The following TMEM14A variants were observed in gnomAD, a reference collection of about 807,000 sequenced individuals.
TMEM14A encodes transmembrane protein 14A.
TMEM14A carries 8 observed loss-of-function variants against 11.6 expected under a neutral mutation model. The ratio of observed to expected loss-of-function variants is 0.69; its 90% confidence interval spans 0.40 to 1.24. TMEM14A has a LOEUF of 1.24. Ranked by LOEUF, TMEM14A falls within the 50% of genes most tolerant of loss-of-function variation. The pLI is 0.01. For missense variants in TMEM14A, 108 were observed against 121.9 expected, an observed-to-expected ratio of 0.89 and a Z score of 0.54; for synonymous variants, 34 against 45.5, an observed-to-expected ratio of 0.75 and a Z score of 1.02.
chr6:52,680,561 G>T (rs1769344381), intron 2 of TMEM14A, among the ~76,000 whole-genome samples: 1 of 130,084 alleles, frequency 7.7e-6, no homozygotes, highest in Non-Finnish European at 1.6e-5. Context: ...ATCTCCAACT[G>T]TAACATTCTA....
Position 52,677,112 on chromosome 6 carries a change from A to T in TMEM14A, c.10A>T (p.Ile4Phe). The change falls in exon 2 of 5, where the codon ATC (isoleucine) becomes TTC (phenylalanine). Residue 4 changes from isoleucine to phenylalanine, a missense_variant. Ile to Phe is a conservative substitution (Grantham distance 21). Transcript: ENST00000211314. MDLIGFGYAALVTF... is the reference protein window; with the variant it reads MDLFGFGYAALVTF... ...AATTGCAACCTTGCCAATGGACCTG[A>T]TCGGTTTTGGTTATGCAGCCCTCGT... is the stretch of plus-strand genomic sequence containing the variant. 6.2e-7 allele frequency: 1 copy of T among 1,614,030 alleles called. No individual in the cohort carries two copies. Among genetic ancestry groups the T allele is most frequent in the South Asian group, 1.1e-5 (1 of 91,072 alleles).
chr6:52,680,101 G>A lies in TMEM14A; in HGVS notation c.71-1712G>A, dbSNP rs148483720. The stretch of plus-strand genomic sequence containing the variant: ...CAAGTGCTCCTATGTACCTGGCCCT[G>A]TGTCTCGCCCTGGGGAAACAGCAAT... On this transcript the variant is annotated intron_variant, in intron 2 of 4. Coordinates refer to ENST00000211314, the MANE Select transcript of TMEM14A (RefSeq NM_014051.4). 3.8e-3 allele frequency among the ~76,000 whole-genome samples: 573 copies of A among 152,044 alleles called. 3 individuals carry two copies. The highest frequency in any genetic ancestry group is 3.4e-3 in the Non-Finnish European group (228 of 67,976).
intron 1 of TMEM14A, among the ~76,000 whole-genome samples, chr6:52,674,508 C>G (rs1769218540): frequency 6.6e-6 from 1 of 152,144 alleles, no homozygotes; most frequent in South Asian, 2.1e-4. Context: ...ATAATCATGA[C>G]AGTACATACC....
intron 1 of TMEM14A, among the ~76,000 whole-genome samples, chr6:52,676,292 A>G (rs983413043): frequency 6.6e-6 from 1 of 152,156 alleles, no homozygotes; most frequent in Non-Finnish European, 1.5e-5. Flanking sequence ...TCACTCTGTC[A>G]TCCAGGCTGG....
At chr6:52,682,353 A>T (rs2281485) in intron 3 of TMEM14A, among the ~76,000 whole-genome samples, 90,915 of 152,012 alleles carry the variant, frequency 0.6, 27,943 homozygotes, top group East Asian at 0.78. Context: ...TTTTTTAGCT[A>T]CTTCCCTTGT....
chr6:52,683,980 G>C, intron 3 of TMEM14A, 98 bp from the exon 4 acceptor site: 1 of 1,115,964 alleles, frequency 9.0e-7, no homozygotes, highest in Middle Eastern at 2.1e-4. Context: ...ATCCATAATA[G>C]TTGTAATGTT....
chr6:52,671,365 A>G (rs1323998203), intron 1 of TMEM14A, 120 bp downstream of exon 1: 4 of 152,196 alleles, frequency 2.6e-5, no homozygotes, highest in Non-Finnish European at 1.5e-5. Flanking sequence ...TGTACAGCAA[A>G]CGATGATGCA....
chr6:52,672,480 T>C (rs1380809716), intron 1 of TMEM14A, among the ~76,000 whole-genome samples: 2 of 150,414 alleles, frequency 1.3e-5, no homozygotes, highest in South Asian at 2.1e-4. Flanking sequence ...CCGGACTGTG[T>C]GTTGGGCGTC....
rs1561876264 is a variant in TMEM14A, at chr6:52,684,170, G to A, written c.260+5G>A. On this transcript the variant is annotated splice_donor_5th_base_variant and intron_variant, in intron 4 of 4. Coordinates refer to ENST00000211314, the MANE Select transcript of TMEM14A (RefSeq NM_014051.4). ...TGGTTTGGTTGCAGGTTTAAGGTAA[G>A]TAAAACTATTTTGATCAATACTTTC... 6.2e-7 allele frequency: 1 copy of A among 1,612,312 alleles called. No individual in the cohort carries two copies.
At chr6:52,679,631 C>A (rs959206016) in intron 2 of TMEM14A, among the ~76,000 whole-genome samples, 2 of 152,186 alleles carry the variant, frequency 1.3e-5, no homozygotes, top group South Asian at 2.1e-4. Context: ...TTGTAGCCCC[C>A]ACTATGGGTC....
intron 2 of TMEM14A, among the ~76,000 whole-genome samples, chr6:52,680,660 T>TAC (rs1769357743): frequency 2.1e-5 from 1 of 46,708 alleles, no homozygotes; most frequent in Non-Finnish European, 4.7e-5. Flanking sequence ...TGTGTGTGTA[T>TAC]ATATATGTGT....
At chr6:52,685,792 G>GA (rs1769482152) in intron 4 of TMEM14A, among the ~76,000 whole-genome samples, 1 of 152,058 alleles carries the variant, frequency 6.6e-6, no homozygotes, top group Non-Finnish European at 1.5e-5. Context: ...AAGGTTTTCA[G>GA]AACAACAGGT....
intron 4 of TMEM14A, among the ~76,000 whole-genome samples, 194 bp from the exon 5 acceptor site, chr6:52,685,816 T>C (rs1769482870): frequency 6.6e-6 from 1 of 152,216 alleles, no homozygotes. Context: ...GATTTTTCCT[T>C]ATTCATTTAG....
chr6:52,674,822 C>T (rs926325316), intron 1 of TMEM14A, among the ~76,000 whole-genome samples: 9 of 152,026 alleles, frequency 5.9e-5, no homozygotes, highest in African/African-American at 1.9e-4. Context: ...CTCAGCTTCC[C>T]TCCCCCATAC....
chr6:52,677,652 A>G (rs1431889554), intron 2 of TMEM14A, among the ~76,000 whole-genome samples: 4 of 152,184 alleles, frequency 2.6e-5, no homozygotes, highest in Admixed American at 6.5e-5. Flanking sequence ...GTTTTCATGG[A>G]GAAAAAGGAA....
chr6:52,674,325 A>G (rs1335072940), intron 1 of TMEM14A, among the ~76,000 whole-genome samples: 1 of 152,210 alleles, frequency 6.6e-6, no homozygotes, highest in Admixed American at 6.5e-5. Flanking sequence ...TCTGAAGAAC[A>G]TGTTTGGTTT....
At chr6:52,676,814 AGG>A (rs935153247) in intron 1 of TMEM14A, among the ~76,000 whole-genome samples, 1 of 152,128 alleles carries the variant, frequency 6.6e-6, no homozygotes, top group Non-Finnish European at 1.5e-5. Flanking sequence ...GAGCACGTGA[AGG>A]GGGAAGTGCT....
rs769785723 is a variant in TMEM14A, at chr6:52,674,081, T to C, written c.-17+2836T>C. ...AGGTAGATATTTTTGTTATCCCTAT[T>C]TTAAAGATGGAGAAACTGAGTTATT... is the stretch of plus-strand genomic sequence containing the variant. On this transcript the variant is annotated intron_variant, in intron 1 of 4. Coordinates refer to ENST00000211314, the MANE Select transcript of TMEM14A (RefSeq NM_014051.4). Among the ~76,000 whole-genome samples the C allele has an allele frequency of 8.7e-4, 133 of 152,234 alleles. 1 individual carries two copies. Among genetic ancestry groups the C allele is most frequent in the Non-Finnish European group, 4.6e-4 (31 of 68,044 alleles).
Position 52,684,187 on chromosome 6 carries a change from A to G in TMEM14A, c.260+22A>G, listed in dbSNP as rs377545968. The G allele has an allele frequency of 3.7e-4, 596 of 1,600,086 alleles. 3 individuals carry two copies. Among genetic ancestry groups the G allele is most frequent in the Non-Finnish European group, 6.5e-5 (76 of 1,173,514 alleles). On this transcript the variant is annotated intron_variant, in intron 4 of 4. Coordinates refer to ENST00000211314, the MANE Select transcript of TMEM14A (RefSeq NM_014051.4). Reference sequence around the variant, plus strand: ...TAAGGTAAGTAAAACTATTTTGATCAATACTTTCCTCTGCTGTTGTTTTGA... The same window carrying G: ...TAAGGTAAGTAAAACTATTTTGATCGATACTTTCCTCTGCTGTTGTTTTGA...
Sources: allele counts gnomAD v4.1 joint callset (sites outside exome capture counted in the v4.1 genomes callset), GRCh38; gene constraint gnomAD v4.1.1; transcripts MANE v1.5; gene names NCBI Gene and HGNC (gene_info 2026-07-23, HGNC 2026-07-21).